Variants in KIAA0586 observed in about 807,000 individuals in gnomAD.
KIAA0586 encodes the protein KIAA0586.
KIAA0586 carries 144 observed loss-of-function variants against 169.8 expected under a neutral mutation model. That is an observed-to-expected ratio of 0.85 (90% CI 0.74 to 0.97). The LOEUF (loss-of-function observed/expected upper bound fraction) is 0.97, where lower values mean the gene tolerates loss of function less well. KIAA0586 is among the 50% of genes least tolerant of loss of function. The pLI is 0.00. For missense variants in KIAA0586, 1,854 were observed against 1,823.0 expected, an observed-to-expected ratio of 1.02 and a Z score of -0.31; for synonymous variants, 625 against 612.4, an observed-to-expected ratio of 1.02 and a Z score of -0.30.
Position 58,459,920 on chromosome 14 carries a change from G to T in KIAA0586, c.1734G>T (p.Met578Ile). ...KNQRTKKGQNMTKDIRTNTQD... is the reference protein window; with the variant it reads ...KNQRTKKGQNITKDIRTNTQD... ...AGAGAACCAAGAAAGGTCAGAATAT[G>T]ACTAAAGATATTAGAACCAACACAC... The change falls in exon 13 of 31, where the codon ATG becomes ATT. Residue 578 changes from methionine (M) to isoleucine (I), a missense_variant. Coordinates refer to ENST00000652326, the MANE Select transcript of KIAA0586 (RefSeq NM_001329943.3). 6.5e-7 allele frequency: 1 copy of T among 1,533,674 alleles called. No individual in the cohort carries two copies. Among genetic ancestry groups the T allele is most frequent in the South Asian group, 1.2e-5 (1 of 83,868 alleles).
chr14:58,434,324 A>G (rs1369521433), intron 4 of KIAA0586, among the ~76,000 whole-genome samples: 1 of 152,212 alleles, frequency 6.6e-6, no homozygotes, highest in African/African-American at 2.4e-5. Context: ...CACCAAAAAT[A>G]ACCATATAAC....
At chr14:58,462,805 CTTAGAGTCA>C (rs1253349958) in intron 14 of KIAA0586, among the ~76,000 whole-genome samples, 2 of 152,068 alleles carry the variant, frequency 1.3e-5, no homozygotes, top group East Asian at 3.9e-4. Flanking sequence ...CCTCAGAAAA[CTTAGAGTCA>C]TGGCGAAGGG....
chr14:58,513,531 G>A (rs956653840), intron 29 of KIAA0586, among the ~76,000 whole-genome samples: 1 of 151,340 alleles, frequency 6.6e-6, no homozygotes, highest in Non-Finnish European at 1.5e-5. Flanking sequence ...TCCATTTGTT[G>A]TCTGTTCCCC....
At chr14:58,450,882 C>G (rs1359967944) in intron 8 of KIAA0586, 136 bp downstream of exon 8, 3 of 552,940 alleles carry the variant, frequency 5.4e-6, no homozygotes, top group Non-Finnish European at 6.5e-6. Context: ...AATCAAGCTT[C>G]TTTAGATTCT....
chr14:58,437,729 AGGCC>A (rs1566781892), intron 4 of KIAA0586, among the ~76,000 whole-genome samples: 5 of 127,836 alleles, frequency 3.9e-5, no homozygotes, highest in African/African-American at 2.9e-5. Flanking sequence ...AAAAAAAAAA[AGGCC>A]AAGTTCACAA....
chr14:58,507,687 T>G (rs979270781), intron 27 of KIAA0586, among the ~76,000 whole-genome samples: 1 of 152,154 alleles, frequency 6.6e-6, no homozygotes, highest in African/African-American at 2.4e-5. Flanking sequence ...GCTTGGAGTA[T>G]ATAGTGCAAT....
chr14:58,467,748 T>G lies in KIAA0586; in HGVS notation c.2268T>G (p.Ser756Arg), dbSNP rs1332737325. 1.2e-6 allele frequency: 2 copies of G among 1,609,752 alleles called. No individual in the cohort carries two copies. The highest frequency in any genetic ancestry group is 1.7e-6 in the Non-Finnish European group (2 of 1,178,324). Residue 756 changes from serine to arginine, a missense_variant, in exon 16 of 31, where the codon AGT becomes AGG. Coordinates refer to ENST00000652326, the MANE Select transcript of KIAA0586 (RefSeq NM_001329943.3). ...TAAACTTCTTAGGACAAACCCAAAG[T>G]AATAGTGATACCATGCCACCTGCTG... ...PMAILLGQTQ[S>R]NSDTMPPAGV... is the part of the protein sequence containing the mutation.
At chr14:58,499,659 A>G (rs2043416265) in intron 27 of KIAA0586, among the ~76,000 whole-genome samples, 1 of 149,654 alleles carries the variant, frequency 6.7e-6, no homozygotes, top group East Asian at 2.0e-4. Flanking sequence ...CCTGGGTTCA[A>G]GCTATTCTCC....
chr14:58,437,672 A>T (rs989615918), intron 4 of KIAA0586, among the ~76,000 whole-genome samples: 1 of 133,008 alleles, frequency 7.5e-6, no homozygotes, highest in African/African-American at 2.9e-5. Context: ...ATGCTAATAC[A>T]CTCCAGCCTG....
intron 29 of KIAA0586, chr14:58,521,241 G>T: frequency 9.2e-7 from 1 of 1,083,260 alleles, no homozygotes; most frequent in Non-Finnish European, 1.4e-6. Context: ...CAACGTTGCC[G>T]ACAAGACGGA....
In KIAA0586 at chr14:58,427,988, A is replaced by G. The variant is rs190938046; in HGVS notation, c.-277A>G. ...CTCTGGGGTTGGGGAGTGCACTGTT[A>G]TGGTTATTGTTGCTCCTGTGGCCAT... On this transcript the variant is annotated 5_prime_UTR_variant, in exon 1 of 31. The change abolishes an upstream ATG in the 5' untranslated region. Coordinates refer to ENST00000652326, the MANE Select transcript of KIAA0586 (RefSeq NM_001329943.3). The G allele has an allele frequency of 1.4e-6, 2 of 1,423,006 alleles. No individual in the cohort carries two copies. Among genetic ancestry groups the G allele is most frequent in the Non-Finnish European group, 1.8e-6 (2 of 1,095,172 alleles). The allele number at this position is 1,423,006 out of a possible 1,614,324, so 88.1% of individuals were successfully genotyped here. A position where few individuals can be genotyped will look rare whatever the true frequency, so the allele number is the denominator to read the frequency against.
chr14:58,460,892 A>G (rs572202094), intron 13 of KIAA0586, 94 bp from the exon 14 acceptor site: 1 of 828,690 alleles, frequency 1.2e-6, no homozygotes, highest in Non-Finnish European at 1.7e-6. Flanking sequence ...CATTCTTGTT[A>G]TAATACTTAA....
rs1306186888 is a variant in KIAA0586, at chr14:58,549,442, T to G, written c.*1510T>G. ...TTCCTTAAACTTCTAGTAGGAGCCATTGCCTGGGGATTTTTTTTCTCACTG... is the reference window on the plus strand; with the variant it reads ...TTCCTTAAACTTCTAGTAGGAGCCAGTGCCTGGGGATTTTTTTTCTCACTG... On this transcript the variant is annotated 3_prime_UTR_variant, in exon 31 of 31. Coordinates refer to ENST00000652326, the MANE Select transcript of KIAA0586 (RefSeq NM_001329943.3). 6.6e-6 allele frequency: 1 copy of G among 152,160 alleles called. No homozygotes were observed. The highest frequency in any genetic ancestry group is 1.5e-5 in the Non-Finnish European group (1 of 68,024). The allele number at this position is 152,160 out of a possible 1,614,324, so 9.4% of individuals were successfully genotyped here. A position where few individuals can be genotyped will look rare whatever the true frequency, so the allele number is the denominator to read the frequency against.
rs750851804 is a variant in KIAA0586 at position 58,519,798 on chromosome 14, A to T, written c.4429+7171A>T. Reference sequence around the variant, plus strand: ...AATGTTCATGGAATTGAATTTGATGATTACATCATTTGCTATTAACCCCAA... The same window carrying T: ...AATGTTCATGGAATTGAATTTGATGTTTACATCATTTGCTATTAACCCCAA... On this transcript the variant is annotated intron_variant, in intron 29 of 30. Coordinates refer to ENST00000652326, the MANE Select transcript of KIAA0586 (RefSeq NM_001329943.3). Among the ~76,000 whole-genome samples, 70 of 152,298 alleles carry T rather than the reference A, an allele frequency of 4.6e-4. 1 individual carries two copies. The highest frequency in any genetic ancestry group is 8.4e-4 in the Non-Finnish European group (57 of 68,026).
chr14:58,530,643 A>G (rs1239277418), intron 29 of KIAA0586, among the ~76,000 whole-genome samples: 1 of 152,250 alleles, frequency 6.6e-6, no homozygotes, highest in East Asian at 1.9e-4. Context: ...AGCCATATGC[A>G]GAAAACTGAA....
At chr14:58,552,614 C>T (rs539738047), downstream of KIAA0586, among the ~76,000 whole-genome samples, 1 of 152,298 alleles carries the variant, frequency 6.6e-6, no homozygotes, top group East Asian at 1.9e-4. Context: ...TTAAAACCCT[C>T]AAGCAGTTCA....
chr14:58,446,204 A>G (rs549546817), intron 6 of KIAA0586, among the ~76,000 whole-genome samples: 6 of 152,000 alleles, frequency 3.9e-5, no homozygotes, highest in African/African-American at 1.4e-4. Flanking sequence ...AAATTAAAAT[A>G]TAACATTCAG....
At chr14:58,530,914 A>C (rs1005229213) in intron 29 of KIAA0586, among the ~76,000 whole-genome samples, 50 of 152,024 alleles carry the variant, frequency 3.3e-4, no homozygotes, top group African/African-American at 1.2e-3. Flanking sequence ...AACCTACAGA[A>C]TGGGAGAAAA....
rs766964920 is a variant in KIAA0586 at position 58,459,830 on chromosome 14, T to C, written c.1657-13T>C. 5.0e-5 allele frequency: 70 copies of C among 1,390,202 alleles called. 3 individuals carry two copies. The South Asian group carries it at 8.8e-4, about 17-fold the overall frequency. 86.1% of individuals were successfully genotyped at this position (1,390,202 alleles called of 1,614,324 possible). ...TAGACATTTTAAGTAATTTTAACTT[T>C]GGTTATGTTAAGGATGAACTGTCAA... On this transcript the variant is annotated splice_polypyrimidine_tract_variant and intron_variant, in intron 12 of 30. Transcript: ENST00000652326.
Sources: allele counts gnomAD v4.1 joint callset (sites outside exome capture counted in the v4.1 genomes callset), GRCh38; gene constraint gnomAD v4.1.1; transcripts MANE v1.5; gene names NCBI Gene and HGNC (gene_info 2026-07-23, HGNC 2026-07-21).